The following LIPA variants were observed in gnomAD, a reference collection of about 807,000 sequenced individuals.
LIPA encodes the protein lysosomal acid lipase/cholesteryl ester hydrolase.
A neutral mutation model predicts 40.6 loss-of-function variants in LIPA; 26 were observed. The ratio of observed to expected loss-of-function variants is 0.64; its 90% CI spans 0.47 to 0.89. The LOEUF (loss-of-function observed/expected upper bound fraction) is 0.89, where lower values mean the gene tolerates loss of function less well. Ranked by LOEUF, LIPA falls within the 40% of genes least tolerant of loss-of-function variation. The pLI, the probability that LIPA is intolerant of heterozygous loss-of-function variation, is 0.00. For synonymous variants in LIPA, 188 were observed against 168.4 expected (o/e 1.12, Z -0.90); for missense variants, 455 against 479.6 (o/e 0.95, Z 0.48).
chr10:89,306,281 C>T (rs201921113), intron 1 of LIPA: 404 of 1,613,880 alleles, frequency 2.5e-4, no homozygotes, highest in Non-Finnish European at 3.1e-4. Flanking sequence ...TCACATGGGC[C>T]GACTCTCAGA....
chr10:89,374,892 G>A (rs775260499), intron 2 of LIPA, among the ~76,000 whole-genome samples: 1 of 151,662 alleles, frequency 6.6e-6, no homozygotes, highest in Admixed American at 6.6e-5. Flanking sequence ...AGGGCTCCCT[G>A]ACCTGAGCCT....
At chr10:89,403,724 T>C in intron 2 of LIPA, 1 of 1,375,364 alleles carries the variant, frequency 7.3e-7, no homozygotes, top group African/African-American at 1.5e-5. Flanking sequence ...CACCCAGATA[T>C]CAGCCACTTT....
intron 2 of LIPA, among the ~76,000 whole-genome samples, chr10:89,352,890 GAATTT>G (rs1843967521): frequency 6.7e-6 from 1 of 150,310 alleles, no homozygotes; most frequent in South Asian, 2.1e-4. Context: ...CAGTTCTGTT[GAATTT>G]TACCCTAGCA....
chr10:89,247,621 C>T lies in LIPA; in HGVS notation c.28G>A (p.Val10Ile), dbSNP rs372942127. ...TGCAGGGTCCAGAGAACCAAACAGACCACCAACCCCAAGAACCGCATTTTC... is the reference window on the plus strand; with the variant it reads ...TGCAGGGTCCAGAGAACCAAACAGATCACCAACCCCAAGAACCGCATTTTC... Reference protein sequence around the residue: MKMRFLGLVVCLVLWTLHSE... With the variant: MKMRFLGLVICLVLWTLHSE... Residue 10 changes from valine (V) to isoleucine (I), a missense_variant, in exon 2 of 10, where the codon GTC becomes ATC. Physicochemically the swap from Val to Ile is conservative, Grantham distance 29. Coordinates refer to ENST00000336233, the MANE Select transcript of LIPA (RefSeq NM_000235.4). 2 of 1,612,434 alleles carry T rather than the reference C, an allele frequency of 1.2e-6. No individual in the cohort carries two copies. Among genetic ancestry groups the T allele is most frequent in the African/African-American group, 2.7e-5 (2 of 74,830 alleles).
intron 1 of LIPA, among the ~76,000 whole-genome samples, chr10:89,327,379 C>T (rs1030795058): frequency 1.3e-5 from 2 of 152,036 alleles, no homozygotes; most frequent in Admixed American, 6.6e-5. Flanking sequence ...GGCGAAACCT[C>T]GTCTCTACTA....
At chr10:89,230,632 C>CTGTCT (rs1233494732) in intron 3 of LIPA, among the ~76,000 whole-genome samples, 1 of 152,186 alleles carries the variant, frequency 6.6e-6, no homozygotes, top group Admixed American at 6.5e-5. Flanking sequence ...ACAGCTCAAA[C>CTGTCT]AAACCTAGGC....
intron 2 of LIPA, among the ~76,000 whole-genome samples, chr10:89,351,800 G>C (rs1041540): frequency 0.03 from 4,633 of 152,124 alleles, 127 homozygotes; most frequent in African/African-American, 0.072. Flanking sequence ...AAAAATACGC[G>C]CATCACCCTG....
intron 2 of LIPA, chr10:89,403,079 TA>T (rs901763315): frequency 1.9e-6 from 3 of 1,614,218 alleles, no homozygotes; most frequent in Non-Finnish European, 2.5e-6. Context: ...GCTCTGTGGA[TA>T]AAGCTCTTGA....
intron 1 of LIPA, among the ~76,000 whole-genome samples, chr10:89,250,087 C>CTTTTCTTT (rs1564767110): frequency 7.9e-5 from 8 of 101,128 alleles, no homozygotes; most frequent in African/African-American, 1.7e-4. Flanking sequence ...TTTTCTTTTT[C>CTTTTCTTT]TTTTTCTTTT....
intron 2 of LIPA, chr10:89,383,325 AT>A (rs1844176997): frequency 1.2e-6 from 2 of 1,609,904 alleles, no homozygotes; most frequent in African/African-American, 2.7e-5. Flanking sequence ...ACAGTGAAGA[AT>A]CTGATGGAAA....
In LIPA at chr10:89,247,826, A is replaced by T. The variant is rs565727058; in HGVS notation, c.-1-177T>A. ...TGAAAGGAGAATAAGGAATTTTTAA[A>T]TTTTATTTATTTATTTTTATTTTAT... is the stretch of plus-strand genomic sequence containing the variant. On this transcript the variant is annotated intron_variant, in intron 1 of 9. Coordinates refer to ENST00000336233, the MANE Select transcript of LIPA (RefSeq NM_000235.4). 530 of 312,486 alleles carry T rather than the reference A, an allele frequency of 1.7e-3. 1 individual carries two copies. The highest frequency in any genetic ancestry group is 0.011 in the African/African-American group (491 of 44,200). 19.4% of individuals were successfully genotyped at this position (312,486 alleles called of 1,614,324 possible).
chr10:89,309,873 C>T (rs1843506043), intron 1 of LIPA, among the ~76,000 whole-genome samples: 1 of 152,182 alleles, frequency 6.6e-6, no homozygotes, highest in African/African-American at 2.4e-5. Flanking sequence ...CTTTTAGCCA[C>T]ATTTCCCGGG....
At position 89,339,764 on chromosome 10, in the gene LIPA, A is replaced by G. The variant is rs755873427; in HGVS notation, c.-2+2847T>C. The G allele has an allele frequency of 2.5e-6, 4 of 1,614,080 alleles. No homozygotes were observed. The South Asian group carries it at 4.4e-5, about 18-fold the overall frequency. ...CAGCGCTACTGCAACCTTCAGAAAT[A>G]TAATGGGAAGTCTGAAGACACTGCT... is the stretch of plus-strand genomic sequence containing the variant. On this transcript the variant is annotated intron_variant, in intron 1 of 5. Coordinates refer to the LIPA transcript ENST00000282673.
chr10:89,384,397 C>T (rs529801736), intron 2 of LIPA: 1 of 1,614,166 alleles, frequency 6.2e-7, no homozygotes, highest in East Asian at 2.2e-5. Context: ...GGCTGAGGAA[C>T]ATTTTCAGAA....
At chr10:89,224,422 G>A (rs1842740572) in intron 6 of LIPA, among the ~76,000 whole-genome samples, 1 of 152,118 alleles carries the variant, frequency 6.6e-6, no homozygotes, top group Non-Finnish European at 1.5e-5. Flanking sequence ...TCTTCTAAAT[G>A]GCCCATGAGA....
At chr10:89,215,850 C>T in intron 9 of LIPA, 88 bp downstream of exon 9, 8 of 863,880 alleles carry the variant, frequency 9.3e-6, no homozygotes, top group Non-Finnish European at 1.6e-5. Context: ...CCCACAGCAC[C>T]TGAGCCTGGC....
At chr10:89,378,324 G>A (rs1481821196) in intron 2 of LIPA, among the ~76,000 whole-genome samples, 1 of 152,138 alleles carries the variant, frequency 6.6e-6, no homozygotes, top group South Asian at 2.1e-4. Flanking sequence ...TATTTAAGAC[G>A]ATATGGGCAA....
intron 1 of LIPA, among the ~76,000 whole-genome samples, chr10:89,325,464 C>G (rs1843593230): frequency 6.6e-6 from 1 of 152,144 alleles, no homozygotes; most frequent in African/African-American, 2.4e-5. Flanking sequence ...TGGACTCAAC[C>G]TAAATGCCCA....
At chr10:89,220,309 A>G (rs7077817) in intron 8 of LIPA, among the ~76,000 whole-genome samples, 19,122 of 152,084 alleles carry the variant, frequency 0.13, 1,349 homozygotes, top group Non-Finnish European at 0.14. Context: ...GTCACCCTCC[A>G]TCATCTCTGG....
Sources: gnomAD v4.1 joint callset for allele counts (sites outside exome capture counted in the v4.1 genomes callset) on GRCh38, gnomAD v4.1.1 for gene constraint, MANE v1.5 for transcripts, NCBI Gene and HGNC (gene_info 2026-07-23, HGNC 2026-07-21) for gene names.